EYS: variants seen among roughly 807,000 people sequenced by gnomAD.
EYS encodes EGF-like photoreceptor maintenance factor, also known as protein eyes shut homolog.
In EYS, 250 loss-of-function variants were observed where a neutral mutation model predicts 282.1. The ratio of observed to expected loss-of-function variants is 0.89; its 90% CI spans 0.80 to 0.98. The LOEUF (loss-of-function observed/expected upper bound fraction) is 0.98. EYS is among the 50% of genes least tolerant of loss of function. The pLI, the probability that EYS is intolerant of heterozygous loss-of-function variation, is 0.00. For synonymous variants in EYS, 1,355 were observed against 1,282.9 expected, an observed-to-expected ratio of 1.06 and a Z score of -1.20; for missense variants, 4,016 against 3,709.0, an observed-to-expected ratio of 1.08 and a Z score of -2.15.
intron 1 of EYS, among the ~76,000 whole-genome samples, chr6:65,640,654 T>G (rs1767245862): frequency 6.6e-6 from 1 of 152,168 alleles, no homozygotes. Context: ...GAGAATATCA[T>G]TTTACTGTTT....
At chr6:64,259,650 G>GCACACACACACA (rs1554222995) in intron 30 of EYS, among the ~76,000 whole-genome samples, 1 of 145,604 alleles carries the variant, frequency 6.9e-6, no homozygotes, top group African/African-American at 2.5e-5. Flanking sequence ...TTACACACGC[G>GCACACACACACA]CACACACACA....
chr6:64,334,288 G>A (rs1770758896), intron 29 of EYS, among the ~76,000 whole-genome samples: 1 of 152,116 alleles, frequency 6.6e-6, no homozygotes, highest in African/African-American at 2.4e-5. Context: ...TAAATGGACA[G>A]GGGCATGTGT....
In EYS at chr6:63,967,723, G is replaced by A. The variant is rs1486258539; in HGVS notation, c.7055+16660C>T. On this transcript the variant is annotated intron_variant, in intron 35 of 42. Coordinates refer to ENST00000503581, the MANE Select transcript of EYS (RefSeq NM_001142800.2). ...ATTAATCCCCATAAGCAAAACAGAG[G>A]CTGCTTGTTGAAATCAGCCTTCACA... Among the ~76,000 whole-genome samples, 6 of 152,246 alleles carry A rather than the reference G, an allele frequency of 3.9e-5. No homozygotes were observed. The East Asian group carries it at 1.2e-3, about 29-fold the overall frequency.
chr6:65,224,292 T>C (rs982598524), intron 12 of EYS, among the ~76,000 whole-genome samples: 1 of 152,098 alleles, frequency 6.6e-6, no homozygotes, highest in Non-Finnish European at 1.5e-5. Context: ...GAAAATTAAA[T>C]GACACACTCT....
At chr6:64,107,259 A>ATATGTG (rs1191905073) in intron 31 of EYS, among the ~76,000 whole-genome samples, 11 of 124,938 alleles carry the variant, frequency 8.8e-5, no homozygotes, top group East Asian at 5.0e-4. Context: ...ATATATATAT[A>ATATGTG]TGTGTGTGTG....
At chr6:63,863,688 T>G (rs1242086863) in intron 36 of EYS, among the ~76,000 whole-genome samples, 2 of 123,736 alleles carry the variant, frequency 1.6e-5, no homozygotes, top group Non-Finnish European at 3.3e-5. Flanking sequence ...TTTTTTTTTT[T>G]TTTTTGAGAT....
chr6:63,938,268 T>C (rs9353368), intron 35 of EYS, among the ~76,000 whole-genome samples: 47,970 of 152,004 alleles, frequency 0.32, 7,643 homozygotes, highest in Admixed American at 0.39. Context: ...AGTCTAATTA[T>C]CAGGCTTGGA....
At chr6:64,098,740 A>G (rs1229062954) in intron 31 of EYS, among the ~76,000 whole-genome samples, 1 of 151,834 alleles carries the variant, frequency 6.6e-6, no homozygotes, top group Admixed American at 6.6e-5. Context: ...AGCTGGGACT[A>G]GAGGTGTGTG....
intron 8 of EYS, among the ~76,000 whole-genome samples, chr6:65,374,831 G>T (rs975090366): frequency 6.6e-6 from 1 of 152,150 alleles, no homozygotes; most frequent in African/African-American, 2.4e-5. Flanking sequence ...TGCCTTGCTA[G>T]ATTCCTCTTC....
rs377054739 is a variant in EYS at position 63,894,406 on chromosome 6, C to A, written c.7056-30048G>T. Among the ~76,000 whole-genome samples, 78 of 152,160 alleles carry A rather than the reference C, an allele frequency of 5.1e-4. 1 individual carries two copies. The South Asian group carries it at 0.015, about 30-fold the overall frequency. ...GACAGAGGCAGAAACTGGAGTGATG[C>A]TGCTAGGAGTCAAGGAACACTGAGG... On this transcript the variant is annotated intron_variant, in intron 35 of 42. Transcript: ENST00000503581.
At chr6:65,569,979 G>A (rs868248202) in intron 2 of EYS, among the ~76,000 whole-genome samples, 3 of 152,140 alleles carry the variant, frequency 2.0e-5, no homozygotes, top group Admixed American at 2.0e-4. Context: ...TTACACTGAT[G>A]TGGAAGGACA....
intron 33 of EYS, among the ~76,000 whole-genome samples, chr6:64,033,023 G>T (rs979542359): frequency 6.6e-6 from 1 of 152,186 alleles, no homozygotes; most frequent in Admixed American, 6.5e-5. Context: ...AGGAAGAGGG[G>T]CTAAGACCAA....
chr6:64,826,849 A>G (rs886945964), intron 19 of EYS, among the ~76,000 whole-genome samples: 1 of 150,626 alleles, frequency 6.6e-6, no homozygotes, highest in African/African-American at 2.4e-5. Context: ...AATTTTTTTC[A>G]TTTCACATAT....
At chr6:64,087,999 C>T (rs1175572937) in intron 31 of EYS, among the ~76,000 whole-genome samples, 1 of 152,116 alleles carries the variant, frequency 6.6e-6, no homozygotes, top group Non-Finnish European at 1.5e-5. Flanking sequence ...CTGGCTCACA[C>T]ACTCTTTGAA....
chr6:63,918,632 T>G (rs1322690414), intron 35 of EYS, among the ~76,000 whole-genome samples: 1 of 152,192 alleles, frequency 6.6e-6, no homozygotes, highest in African/African-American at 2.4e-5. Flanking sequence ...CAGAGCCAAA[T>G]CTTCAAGCTG....
At chr6:65,004,355 A>G (rs1372682190) in intron 13 of EYS, among the ~76,000 whole-genome samples, 1 of 147,576 alleles carries the variant, frequency 6.8e-6, no homozygotes, top group African/African-American at 2.4e-5. Flanking sequence ...AAGCCAGGCT[A>G]AAGTCAGTAA....
intron 2 of EYS, among the ~76,000 whole-genome samples, chr6:65,511,366 TGAGAGA>T (rs1157546569): frequency 6.9e-6 from 1 of 145,820 alleles, no homozygotes; most frequent in African/African-American, 2.5e-5. Context: ...TGTGTGTGTG[TGAGAGA>T]GAGAGAGAGA....
intron 30 of EYS, among the ~76,000 whole-genome samples, chr6:64,270,134 C>G (rs1435580238): frequency 6.6e-6 from 1 of 152,058 alleles, no homozygotes; most frequent in Non-Finnish European, 1.5e-5. Flanking sequence ...CATATTTTTA[C>G]AATTTTATTT....
intron 34 of EYS, among the ~76,000 whole-genome samples, chr6:63,986,076 C>A (rs751461690): frequency 6.6e-6 from 1 of 151,494 alleles, no homozygotes; most frequent in Non-Finnish European, 1.5e-5. Context: ...TACAAATTTA[C>A]AAGAGAAAAA....
Sources: gnomAD v4.1 joint callset for allele counts (sites outside exome capture counted in the v4.1 genomes callset) on GRCh38, gnomAD v4.1.1 for gene constraint, MANE v1.5 for transcripts, NCBI Gene and HGNC (gene_info 2026-07-23, HGNC 2026-07-21) for gene names.